The following CNTN5 variants were observed in gnomAD, a reference collection of about 807,000 sequenced individuals.
CNTN5 encodes contactin 5.
CNTN5 carries 77 observed loss-of-function variants against 129.1 expected under a neutral mutation model. The ratio of observed to expected loss-of-function variants is 0.60; its 90% CI spans 0.50 to 0.72. The LOEUF (loss-of-function observed/expected upper bound fraction) is 0.72, where lower values mean the gene tolerates loss of function less well. Among genes scored for constraint, CNTN5 ranks in the 30% least tolerant of loss-of-function variants. The pLI, the probability that CNTN5 is intolerant of heterozygous loss-of-function variation, is 0.00. For missense variants in CNTN5, 1,478 were observed against 1,328.8 expected (o/e 1.11, Z -1.75); for synonymous variants, 509 against 465.6 (o/e 1.09, Z -1.20).
intron 13 of CNTN5, among the ~76,000 whole-genome samples, chr11:100,095,355 A>C (rs751449899): frequency 1.2e-4 from 18 of 152,034 alleles, no homozygotes; most frequent in Non-Finnish European, 1.8e-4. Context: ...TTTGAGTGGA[A>C]GAAACTAACC....
At chr11:99,509,025 A>G (rs548049152) in intron 2 of CNTN5, among the ~76,000 whole-genome samples, 2 of 152,258 alleles carry the variant, frequency 1.3e-5, no homozygotes, top group Admixed American at 6.5e-5. Context: ...GTAAATATGA[A>G]GTGGGAAAAA....
intron 6 of CNTN5, among the ~76,000 whole-genome samples, chr11:99,908,153 AG>A (rs1949560009): frequency 6.6e-6 from 1 of 152,054 alleles, no homozygotes; most frequent in Non-Finnish European, 1.5e-5. Context: ...AGAGCAGAAT[AG>A]GCAGATAGTC....
intron 1 of CNTN5, among the ~76,000 whole-genome samples, chr11:99,275,402 T>A (rs570444000): frequency 5.8e-4 from 88 of 151,758 alleles, no homozygotes; most frequent in African/African-American, 1.6e-3. Flanking sequence ...ATTTTATCTT[T>A]CTACCTATGC....
At chr11:99,547,392 A>G (rs1479413710) in intron 2 of CNTN5, among the ~76,000 whole-genome samples, 1 of 152,208 alleles carries the variant, frequency 6.6e-6, no homozygotes, top group African/African-American at 2.4e-5. Flanking sequence ...GATAGACTAT[A>G]GGGAGCCTGC....
At chr11:99,894,707 C>T (rs566660048) in intron 6 of CNTN5, among the ~76,000 whole-genome samples, 1 of 152,012 alleles carries the variant, frequency 6.6e-6, no homozygotes, top group East Asian at 1.9e-4. Flanking sequence ...GTTTTTTCAC[C>T]TTACTAATAA....
intron 1 of CNTN5, among the ~76,000 whole-genome samples, chr11:99,321,434 C>A (rs1465364106): frequency 6.6e-6 from 1 of 151,658 alleles, no homozygotes; most frequent in East Asian, 1.9e-4. Context: ...TATTTAAATA[C>A]TGTTAAAAAT....
intron 9 of CNTN5, among the ~76,000 whole-genome samples, chr11:100,040,794 C>T (rs1251021285): frequency 6.6e-6 from 1 of 152,204 alleles, no homozygotes; most frequent in Admixed American, 6.5e-5. Context: ...GATATAATCT[C>T]CTGGTGTGCC....
chr11:99,588,075 G>A (rs1003743115), intron 3 of CNTN5, among the ~76,000 whole-genome samples: 1 of 152,172 alleles, frequency 6.6e-6, no homozygotes, highest in Non-Finnish European at 1.5e-5. Context: ...CGGGCGCAGT[G>A]GCTCACGCCT....
intron 3 of CNTN5, among the ~76,000 whole-genome samples, chr11:99,639,260 A>G (rs1951678424): frequency 6.6e-6 from 1 of 152,114 alleles, no homozygotes; most frequent in Non-Finnish European, 1.5e-5. Flanking sequence ...GGCTGCACAC[A>G]ACACAGAGAC....
chr11:100,314,942 C>A (rs1298190382), intron 21 of CNTN5, among the ~76,000 whole-genome samples: 2 of 152,084 alleles, frequency 1.3e-5, no homozygotes, highest in Admixed American at 6.6e-5. Flanking sequence ...TATTAAATAC[C>A]TGCTATGTTT....
intron 2 of CNTN5, among the ~76,000 whole-genome samples, chr11:99,466,633 T>A (rs964485287): frequency 6.6e-6 from 1 of 152,152 alleles, no homozygotes; most frequent in African/African-American, 2.4e-5. Context: ...TTTAATTGTT[T>A]TAATTAATGA....
chr11:99,811,676 G>T (rs372914350), intron 3 of CNTN5, among the ~76,000 whole-genome samples: 13 of 151,670 alleles, frequency 8.6e-5, no homozygotes, highest in Admixed American at 5.3e-4. Context: ...TTGTCCCAGG[G>T]TCATTATATT....
At chr11:100,108,721 TTTA>T (rs1335155113) in intron 13 of CNTN5, among the ~76,000 whole-genome samples, 2 of 152,204 alleles carry the variant, frequency 1.3e-5, no homozygotes, top group Admixed American at 6.5e-5. Context: ...TTATTATGAT[TTTA>T]TTAACTTTTA....
At chr11:99,904,784 C>T (rs1949452581) in intron 6 of CNTN5, among the ~76,000 whole-genome samples, 1 of 152,142 alleles carries the variant, frequency 6.6e-6, no homozygotes, top group Admixed American at 6.5e-5. Flanking sequence ...CCAATTTCTC[C>T]ACATCCTCTG....
intron 2 of CNTN5, among the ~76,000 whole-genome samples, chr11:99,484,330 A>C (rs942106024): frequency 2.0e-4 from 30 of 152,330 alleles, no homozygotes; most frequent in African/African-American, 5.5e-4. Flanking sequence ...ACAATGAGGT[A>C]TCATCTCACC....
At chr11:99,590,336 C>A (rs1949938413) in intron 3 of CNTN5, among the ~76,000 whole-genome samples, 1 of 152,264 alleles carries the variant, frequency 6.6e-6, no homozygotes, top group East Asian at 1.9e-4. Context: ...CAAAAGAGAT[C>A]CAAACTCAGA....
At chr11:100,139,725 G>A (rs1289007239) in intron 13 of CNTN5, among the ~76,000 whole-genome samples, 1 of 152,102 alleles carries the variant, frequency 6.6e-6, no homozygotes, top group South Asian at 2.1e-4. Context: ...TTAGCCGGGT[G>A]TGATGGCACA....
At chr11:99,411,809 G>A (rs2135012251) in intron 2 of CNTN5, among the ~76,000 whole-genome samples, 1 of 152,288 alleles carries the variant, frequency 6.6e-6, no homozygotes, top group South Asian at 2.1e-4. Flanking sequence ...TAAAGTCACT[G>A]TATAAACCCA....
At chr11:99,372,616 G>GAA (rs142651740) in intron 2 of CNTN5, among the ~76,000 whole-genome samples, 38 of 146,162 alleles carry the variant, frequency 2.6e-4, no homozygotes, top group African/African-American at 9.3e-4. Flanking sequence ...TTGAAAATGT[G>GAA]AAAAAAAAAA....
Sources: gnomAD v4.1 joint callset for allele counts (sites outside exome capture counted in the v4.1 genomes callset) on GRCh38, gnomAD v4.1.1 for gene constraint, MANE v1.5 for transcripts, NCBI Gene and HGNC (gene_info 2026-07-23, HGNC 2026-07-21) for gene names.